ZNF692: variants seen among roughly 807,000 people sequenced by gnomAD.
The protein encoded by ZNF692 is AICAR responsive element binding protein.
Under a neutral mutation model 49.0 loss-of-function variants are expected in ZNF692, and 41 were observed. The observed-to-expected ratio is 0.84, with a 90% CI of 0.65 to 1.08. The LOEUF is 1.08. ZNF692 is among the 50% of genes least tolerant of loss of function. The probability of loss-of-function intolerance (pLI) is 0.00; values close to 1 mark genes in which losing one functional copy is unlikely to be tolerated. For synonymous variants in ZNF692, 288 were observed against 251.5 expected (o/e 1.15, Z -1.37); for missense variants, 662 against 662.2 (o/e 1.00, Z 0.00).
rs569953704 is a variant in ZNF692, at chr1:248,852,882, A to G, written c.1153+1055T>C. Among the ~76,000 whole-genome samples the G allele has an allele frequency of 6.6e-5, 10 of 152,326 alleles. No individual in the cohort carries two copies. In the South Asian group the frequency reaches 1.7e-3, roughly 25 times the overall value. ...CTCTATGTAGGGACACTCTGGCCTC[A>G]TGGCTCTAAACACCACCCATATGCT... On this transcript the variant is annotated intron_variant, in intron 10 of 11. Transcript: ENST00000306601.
chr1:248,852,914 C>T (rs140747625), intron 10 of ZNF692, among the ~76,000 whole-genome samples: 1 of 152,238 alleles, frequency 6.6e-6, no homozygotes, highest in African/African-American at 2.4e-5. Context: ...TGCTCATGAC[C>T]CACACATTTA....
chr1:248,851,087 C>G (rs1291026554), intron 10 of ZNF692: 2 of 533,632 alleles, frequency 3.7e-6, no homozygotes, highest in Admixed American at 4.6e-5. Flanking sequence ...AGCCTCTAGG[C>G]TGGTTCTTTC....
rs749834839 is a variant in ZNF692 at position 248,858,206 on chromosome 1, A to G, written c.104T>C (p.Met35Thr). The stretch of plus-strand genomic sequence containing the variant: ...CTCCTTGAGGAGGCACCACTGCTCC[A>G]TGTGGCCGCCCAGGCGGATGCGGCA... ...SKCRIRLGGHMEQWCLLKERL... is the reference protein window; with the variant it reads ...SKCRIRLGGHTEQWCLLKERL... Residue 35 changes from methionine (M) to threonine (T), a missense_variant, in exon 2 of 12, where the codon ATG becomes ACG. Transcript: ENST00000306601. The surrounding 1 kb of genome is among the most constrained non-coding windows in gnomAD (Gnocchi z 4.3). 10 of 1,592,810 alleles carry G rather than the reference A, an allele frequency of 6.3e-6. No homozygotes were observed. The South Asian group carries it at 1.0e-4, about 16-fold the overall frequency.
chr1:248,856,664 T>A (rs1660274892), intron 4 of ZNF692, 102 bp from the exon 5 acceptor site: 1 of 1,435,642 alleles, frequency 7.0e-7, no homozygotes, highest in African/African-American at 1.4e-5. Context: ...CTCTTTTTTT[T>A]TTAAATAGAG....
chr1:248,857,466 C>T lies in ZNF692; in HGVS notation c.243G>A (p.Gln81=). 6.2e-7 allele frequency: 1 copy of T among 1,613,932 alleles called. No individual in the cohort carries two copies. The highest frequency in any genetic ancestry group is 8.5e-7 in the Non-Finnish European group (1 of 1,179,954). The change falls in exon 4 of 12, where the codon CAG becomes CAA. Residue 81 remains glutamine (Q), a synonymous_variant. Coordinates refer to ENST00000306601, the MANE Select transcript of ZNF692 (RefSeq NM_017865.4). ...GPEPLPPKGL[Q]YLVLLSHAHS... ...GGGCATGAGACAAGAGCACCAGATA[C>T]TGCAGACCTTTTGGAGGCAAAGGCT...
rs750372856 is a variant in ZNF692, at chr1:248,857,492, C to T, written c.217G>A (p.Glu73Lys). 4 of 1,612,434 alleles carry T rather than the reference C, an allele frequency of 2.5e-6. No homozygotes were observed. The highest frequency in any genetic ancestry group is 1.7e-5 in the Admixed American group (1 of 59,900). Residue 73 changes from glutamate (E) to lysine (K), a missense_variant, in exon 4 of 12, where the codon GAG becomes AAG. Transcript: ENST00000306601. Reference protein sequence around the residue: ...SSGCVLCAGPEPLPPKGLQYL... With the variant: ...SSGCVLCAGPKPLPPKGLQYL... ...TGCAGACCTTTTGGAGGCAAAGGCTCAGGACCTGGAGGGGTGGGGGAAGCA... is the reference window on the plus strand; with the variant it reads ...TGCAGACCTTTTGGAGGCAAAGGCTTAGGACCTGGAGGGGTGGGGGAAGCA...
chr1:248,854,270 T>C (rs1435107150), intron 9 of ZNF692: 2 of 513,518 alleles, frequency 3.9e-6, no homozygotes, highest in African/African-American at 1.9e-5. Context: ...CACTCAACTC[T>C]CCTGTCACCC....
chr1:248,852,231 C>T (rs1200580559), intron 10 of ZNF692, among the ~76,000 whole-genome samples: 1 of 152,190 alleles, frequency 6.6e-6, no homozygotes, highest in Non-Finnish European at 1.5e-5. Flanking sequence ...ACACCACCTC[C>T]TTTCTCCACC....
intron 4 of ZNF692, among the ~76,000 whole-genome samples, chr1:248,856,839 A>T (rs1162484813): frequency 6.6e-6 from 1 of 152,148 alleles, no homozygotes; most frequent in Non-Finnish European, 1.5e-5. Flanking sequence ...GAGTAGGAGG[A>T]GTTGTTCTGT....
At chr1:248,852,240 C>T (rs1659684339) in intron 10 of ZNF692, among the ~76,000 whole-genome samples, 1 of 152,166 alleles carries the variant, frequency 6.6e-6, no homozygotes, top group South Asian at 2.1e-4. Context: ...CCTTTCTCCA[C>T]CAGCCTCCAA....
In ZNF692 at chr1:248,855,767, C is replaced by T; in HGVS notation, c.839G>A (p.Ser280Asn). 6.2e-7 allele frequency: 1 copy of T among 1,614,202 alleles called. No individual in the cohort carries two copies. Among genetic ancestry groups the T allele is most frequent in the African/African-American group, 1.3e-5 (1 of 75,050 alleles). Residue 280 changes from serine to asparagine, a missense_variant, in exon 7 of 12, where the codon AGC (serine) becomes AAC (asparagine). Physicochemically the swap from Ser to Asn is conservative, Grantham distance 46. Transcript: ENST00000306601. Reference protein sequence around the residue: ...PAEVRVQPQLSRTPQAAQQTE... With the variant: ...PAEVRVQPQLNRTPQAAQQTE... Reference sequence around the variant, plus strand: ...CTGCTGGGCCGCTTGAGGGGTCCTGCTGAGCTGTGGCTGCACCCTGACTTC... The same window carrying T: ...CTGCTGGGCCGCTTGAGGGGTCCTGTTGAGCTGTGGCTGCACCCTGACTTC...
intron 3 of ZNF692, 149 bp downstream of exon 3, chr1:248,857,679 A>G (rs1287330551): frequency 3.4e-6 from 5 of 1,469,670 alleles, no homozygotes; most frequent in Non-Finnish European, 4.5e-6. Flanking sequence ...CCCCACCCAG[A>G]GGTTGCCTCC....
rs1410583968 is a variant in ZNF692 at position 248,858,513 on chromosome 1, ATG to A, written c.-12-194_-12-193del. 2 of 1,551,704 alleles carry A rather than the reference ATG, an allele frequency of 1.3e-6. No individual in the cohort carries two copies. The highest frequency in any genetic ancestry group is 1.7e-6 in the Non-Finnish European group (2 of 1,146,988). ...CAGGGTGTTGAAGCTCAGCGCTACC[ATG>A]TGAGTGTCGTCGGGTGGGAGGCAGG... On this transcript the variant is annotated intron_variant, in intron 1 of 11. Transcript: ENST00000306601. This position sits in a 1 kb window ranked among gnomAD's most constrained non-coding sequence, Gnocchi z 4.3.
chr1:248,856,193 T>C, intron 6 of ZNF692, 95 bp downstream of exon 6: 1 of 1,395,216 alleles, frequency 7.2e-7, no homozygotes, highest in South Asian at 1.4e-5. Context: ...CCCTCCACAC[T>C]AACAAGCCCT....
chr1:248,858,221 C>T lies in ZNF692; in HGVS notation c.89G>A (p.Arg30His). Residue 30 changes from arginine to histidine, a missense_variant, in exon 2 of 12, where the codon CGC (arginine) becomes CAC (histidine). Coordinates refer to ENST00000306601, the MANE Select transcript of ZNF692 (RefSeq NM_017865.4). The surrounding 1 kb of genome is among the most constrained non-coding windows in gnomAD (Gnocchi z 4.3). ...CCACTGCTCCATGTGGCCGCCCAGG[C>T]GGATGCGGCACTTGCTGCGGCGCGC... is the stretch of plus-strand genomic sequence containing the variant. ...LDARRSKCRI[R>H]LGGHMEQWCL... 1.3e-6 allele frequency: 2 copies of T among 1,592,744 alleles called. No individual in the cohort carries two copies. Among genetic ancestry groups the T allele is most frequent in the African/African-American group, 1.3e-5 (1 of 74,798 alleles).
At position 248,858,186 on chromosome 1, in the gene ZNF692, TGAG is replaced by T. The variant is rs1197451736; in HGVS notation, c.121_123del (p.Leu41del). ...TGCAGGGAGAAGCCCAGCCGCTCCTTGAGGAGGCACCACTGCTCCATGTGGCCG... is the reference window on the plus strand; with the variant it reads ...TGCAGGGAGAAGCCCAGCCGCTCCTTGAGGCACCACTGCTCCATGTGGCCG... On this transcript the variant is annotated inframe_deletion, in exon 2 of 12. Coordinates refer to ENST00000306601, the MANE Select transcript of ZNF692 (RefSeq NM_017865.4). This position sits in a 1 kb window ranked among gnomAD's most constrained non-coding sequence, Gnocchi z 4.3. 6.3e-7 allele frequency: 1 copy of T among 1,582,508 alleles called. No individual in the cohort carries two copies. Among genetic ancestry groups the T allele is most frequent in the South Asian group, 1.1e-5 (1 of 90,454 alleles).
In ZNF692 at chr1:248,850,079, C is replaced by A. The variant is rs1052512493; in HGVS notation, c.*131G>T. 3 of 1,022,338 alleles carry A rather than the reference C, an allele frequency of 2.9e-6. No individual in the cohort carries two copies. Among genetic ancestry groups the A allele is most frequent in the Non-Finnish European group, 4.2e-6 (3 of 720,114 alleles). 63.3% of individuals were successfully genotyped at this position (1,022,338 alleles called of 1,614,324 possible). On this transcript the variant is annotated 3_prime_UTR_variant, in exon 12 of 12. Coordinates refer to ENST00000306601, the MANE Select transcript of ZNF692 (RefSeq NM_017865.4). ...CCAGCTCCCCTACAGCCCAGTCTTG[C>A]CCCCACCCTGCACTCTGTCGCCTTA...
In ZNF692 at chr1:248,854,055, G is replaced by C; in HGVS notation, c.1039-4C>G. 1 of 1,612,506 alleles carries C rather than the reference G, an allele frequency of 6.2e-7. No homozygotes were observed. Among genetic ancestry groups the C allele is most frequent in the Non-Finnish European group, 8.5e-7 (1 of 1,178,506 alleles). On this transcript the variant is annotated splice_polypyrimidine_tract_variant and splice_region_variant and intron_variant, in intron 9 of 11. Transcript: ENST00000306601. ...TGTGCTGGTACTTTTTGTGGTGCTA[G>C]AGAAGGAAGTGGGTGGTAGGGAGAG...
chr1:248,850,323 TG>T lies in ZNF692; in HGVS notation c.1446del (p.Ser483ValfsTer4). 1 of 1,613,918 alleles carries T rather than the reference TG, an allele frequency of 6.2e-7. No homozygotes were observed. Among genetic ancestry groups the T allele is most frequent in the East Asian group, 2.2e-5 (1 of 44,874 alleles). On this transcript the variant is annotated frameshift_variant, in exon 12 of 12. Coordinates refer to ENST00000306601, the MANE Select transcript of ZNF692 (RefSeq NM_017865.4). LOFTEE classifies it low-confidence loss of function (END_TRUNC). ...PALLLAPQESPSGPLEPCPSI... is the reference protein window; with the variant it reads ...PALLLAPQESXSGPLEPCPSI... ...CTGGGACAGGGCTCTAGGGGACCACTGGGTGACTCTTGAGGGGCTAGAAGCA... is the reference window on the plus strand; with the variant it reads ...CTGGGACAGGGCTCTAGGGGACCACTGGTGACTCTTGAGGGGCTAGAAGCA...
Sources: allele counts gnomAD v4.1 joint callset (sites outside exome capture counted in the v4.1 genomes callset), GRCh38; gene constraint gnomAD v4.1.1; non-coding constraint Gnocchi (gnomAD v3.1); transcripts MANE v1.5; gene names NCBI Gene and HGNC (gene_info 2026-07-23, HGNC 2026-07-21).